Variants in CCDC92 observed in about 807,000 individuals in gnomAD.
CCDC92 encodes coiled-coil domain-containing protein 92.
Under a neutral mutation model 24.9 loss-of-function variants are expected in CCDC92, and 12 were observed. The observed-to-expected ratio is 0.48, with a 90% CI of 0.31 to 0.78. CCDC92 has a LOEUF of 0.78. Among genes scored for constraint, CCDC92 ranks in the 30% least tolerant of loss-of-function variants. The pLI is 0.05. For missense variants in CCDC92, 399 were observed against 439.4 expected (o/e 0.91, Z 0.82); for synonymous variants, 193 against 196.3 (o/e 0.98, Z 0.14).
chr12:123,966,699 C>T (rs1224254112), intron 1 of CCDC92: 1 of 152,260 alleles, frequency 6.6e-6, no homozygotes, highest in Non-Finnish European at 1.5e-5. Flanking sequence ...TAATTTGCTG[C>T]TTTCCACTTA....
intron 1 of CCDC92, among the ~76,000 whole-genome samples, chr12:123,958,637 G>C (rs1418183620): frequency 6.6e-6 from 1 of 152,218 alleles, no homozygotes; most frequent in Non-Finnish European, 1.5e-5. Flanking sequence ...GTGGCCGCTT[G>C]AGTGCAGTGG....
At chr12:123,939,413 G>A (rs1398510711) in intron 4 of CCDC92, among the ~76,000 whole-genome samples, 1 of 152,222 alleles carries the variant, frequency 6.6e-6, no homozygotes, top group African/African-American at 2.4e-5. Flanking sequence ...TGCAGGTGAT[G>A]GGCGCTCCTC....
chr12:123,952,410 A>C (rs1462985622), intron 1 of CCDC92, among the ~76,000 whole-genome samples: 1 of 152,228 alleles, frequency 6.6e-6, no homozygotes. Context: ...AGGAGCCCTG[A>C]GGGACAGGAA....
At chr12:123,957,819 G>A (rs918218973) in intron 1 of CCDC92, among the ~76,000 whole-genome samples, 2 of 138,976 alleles carry the variant, frequency 1.4e-5, no homozygotes, top group Non-Finnish European at 3.0e-5. Flanking sequence ...AGTGATTCTT[G>A]TGCCTCAGCC....
rs758067436 is a variant in CCDC92, at chr12:123,942,778, T to A, written c.189A>T (p.Thr63=). The A allele has an allele frequency of 1.9e-6, 3 of 1,607,136 alleles. No individual in the cohort carries two copies. The highest frequency in any genetic ancestry group is 1.3e-5 in the African/African-American group (1 of 74,808). Residue 63 remains threonine (T), a synonymous_variant, in exon 4 of 5, where the codon ACA becomes ACT. Coordinates refer to ENST00000238156, the MANE Select transcript of CCDC92 (RefSeq NM_025140.3). ...CCGAACTTTTGACTGTCAGCTCATA[T>A]GTTAAATCTAAAAGGGAAATGTTAC... The part of the protein sequence containing the change: ...RRLQQHCTDL[T]YELTVKSSEQ...
At chr12:123,955,517 T>C (rs866241285) in intron 1 of CCDC92, among the ~76,000 whole-genome samples, 1 of 152,382 alleles carries the variant, frequency 6.6e-6, no homozygotes, top group African/African-American at 2.4e-5. Context: ...TCAGTCTCTA[T>C]GGTTTGCCAA....
In CCDC92 at chr12:123,941,063, G is replaced by A. The variant is rs1254075132; in HGVS notation, c.223+1681C>T. On this transcript the variant is annotated intron_variant, in intron 4 of 4. Transcript: ENST00000238156. ...GCCTTGGGACCTCAGGTTGAGAACC[G>A]TGACTGGAGAGGCCACAGGGCAAAA... 2.0e-5 allele frequency among the ~76,000 whole-genome samples: 3 copies of A among 152,188 alleles called. No homozygotes were observed. In the East Asian group the frequency reaches 5.8e-4, roughly 29 times the overall value.
intron 1 of CCDC92, chr12:123,956,162 A>G (rs938893982): frequency 1.3e-5 from 2 of 152,238 alleles, no homozygotes; most frequent in Non-Finnish European, 2.9e-5. Context: ...TAGTACTTAC[A>G]TACCTTCTGG....
intron 1 of CCDC92, among the ~76,000 whole-genome samples, chr12:123,969,461 G>GTTTTT (rs60485501): frequency 5.4e-5 from 5 of 93,058 alleles, no homozygotes; most frequent in Non-Finnish European, 1.0e-4. Flanking sequence ...CTCTTATTCA[G>GTTTTT]TTTTTTTTTT....
At chr12:123,948,987 G>T (rs1436663605) in intron 1 of CCDC92, among the ~76,000 whole-genome samples, 2 of 152,202 alleles carry the variant, frequency 1.3e-5, no homozygotes, top group Non-Finnish European at 2.9e-5. Context: ...AGGAGACCCA[G>T]CCGGGAGATG....
intron 2 of CCDC92, 82 bp from the exon 3 acceptor site, chr12:123,943,575 G>T: frequency 1.4e-6 from 2 of 1,470,994 alleles, no homozygotes; most frequent in Non-Finnish European, 1.9e-6. Flanking sequence ...GGTGCAGAGG[G>T]GTGTGCGCCT....
intron 1 of CCDC92, chr12:123,970,488 G>C (rs1205504917): frequency 6.6e-6 from 1 of 152,180 alleles, no homozygotes; most frequent in South Asian, 2.1e-4. Flanking sequence ...AGACAATTAG[G>C]ACACAGCCAC....
intron 1 of CCDC92, among the ~76,000 whole-genome samples, chr12:123,958,812 T>C (rs2138115740): frequency 6.6e-6 from 1 of 152,344 alleles, no homozygotes; most frequent in African/African-American, 2.4e-5. Flanking sequence ...GGTATTTTTT[T>C]GGTGCTTTGT....
intron 1 of CCDC92, among the ~76,000 whole-genome samples, chr12:123,970,900 AAT>A (rs1956511722): frequency 1.3e-5 from 2 of 152,358 alleles, no homozygotes; most frequent in Admixed American, 6.5e-5. Flanking sequence ...CCAATTAGGT[AAT>A]TATGTTGAGA....
chr12:123,942,795 A>G lies in CCDC92; in HGVS notation c.182-10T>C, dbSNP rs781589600. 2 of 1,601,668 alleles carry G rather than the reference A, an allele frequency of 1.2e-6. No homozygotes were observed. Among genetic ancestry groups the G allele is most frequent in the Admixed American group, 3.3e-5 (2 of 60,014 alleles). On this transcript the variant is annotated splice_polypyrimidine_tract_variant and intron_variant, in intron 3 of 4. Coordinates refer to ENST00000238156, the MANE Select transcript of CCDC92 (RefSeq NM_025140.3). ...AGCTCATATGTTAAATCTAAAAGGG[A>G]AATGTTACACATTAATTCTTTTACT...
rs1955569168 is a variant in CCDC92, at chr12:123,937,852, G to C, written c.224-22C>G. ...TCTCCTACAAGAATAAGCCGAGGAA[G>C]CAGGTGAAGAACTCATTAGACTGAG... On this transcript the variant is annotated intron_variant, in intron 4 of 4. Transcript: ENST00000238156. The surrounding 1 kb of genome is among the most constrained non-coding windows in gnomAD (Gnocchi z 8.4). 6.3e-7 allele frequency: 1 copy of C among 1,583,420 alleles called. No individual in the cohort carries two copies. The highest frequency in any genetic ancestry group is 8.5e-7 in the Non-Finnish European group (1 of 1,170,414).
rs143854065 is a variant in CCDC92, at chr12:123,955,737, G to C, written c.-59-11373C>G. ...GGCCTCAAGTGATCCTCCTGCTTCAGCCTCCTATGTAGCTGGGATTATAAA... is the reference window on the plus strand; with the variant it reads ...GGCCTCAAGTGATCCTCCTGCTTCACCCTCCTATGTAGCTGGGATTATAAA... On this transcript the variant is annotated intron_variant, in intron 1 of 4. Coordinates refer to ENST00000238156, the MANE Select transcript of CCDC92 (RefSeq NM_025140.3). Among the ~76,000 whole-genome samples, 76 of 152,180 alleles carry C rather than the reference G, an allele frequency of 5.0e-4. No individual in the cohort carries two copies. The East Asian group carries it at 0.014, about 28-fold the overall frequency.
intron 1 of CCDC92, among the ~76,000 whole-genome samples, chr12:123,962,105 C>T (rs777926721): frequency 1.3e-5 from 2 of 152,150 alleles, no homozygotes; most frequent in African/African-American, 2.4e-5. Context: ...TCTACTCTTT[C>T]GTGCCAGATG....
chr12:123,937,133 C>T lies in CCDC92; in HGVS notation c.921G>A (p.Val307=), dbSNP rs1292272867. The T allele has an allele frequency of 6.2e-7, 1 of 1,613,420 alleles. No individual in the cohort carries two copies. The highest frequency in any genetic ancestry group is 1.3e-5 in the African/African-American group (1 of 75,052). ...HATPPQAQPE[V]KTLAVDQVNG... ...TCACCTGGTCGACCGCCAGGGTCTT[C>T]ACCTCGGGCTGGGCCTGCGGCGGGG... Residue 307 remains valine, a synonymous_variant, in exon 5 of 5, where the codon GTG becomes GTA. Coordinates refer to ENST00000238156, the MANE Select transcript of CCDC92 (RefSeq NM_025140.3). This position sits in a 1 kb window ranked among gnomAD's most constrained non-coding sequence, Gnocchi z 8.4.
Sources: allele counts gnomAD v4.1 joint callset (sites outside exome capture counted in the v4.1 genomes callset), GRCh38; gene constraint gnomAD v4.1.1; non-coding constraint Gnocchi (gnomAD v3.1); transcripts MANE v1.5; gene names NCBI Gene and HGNC (gene_info 2026-07-23, HGNC 2026-07-21).